Variants in PACS2 observed in about 807,000 individuals in gnomAD.
PACS2 encodes phosphofurin acidic cluster sorting protein 2, also known as PACS1-like protein.
Under a neutral mutation model 113.0 loss-of-function variants are expected in PACS2, and 36 were observed. The ratio of observed to expected loss-of-function variants is 0.32; its 90% confidence interval spans 0.24 to 0.42. The LOEUF (loss-of-function observed/expected upper bound fraction) is 0.42, where lower values mean the gene tolerates loss of function less well. PACS2 is among the 10% of genes least tolerant of loss of function. PACS2 has a pLI of 1.00. For missense variants in PACS2, 1,015 were observed against 1,239.5 expected (o/e 0.82, Z 2.72); for synonymous variants, 589 against 536.1 (o/e 1.10, Z -1.36).
At chr14:105,349,489 C>A (rs113127692) in intron 2 of PACS2, among the ~76,000 whole-genome samples, 7,156 of 152,318 alleles carry the variant, frequency 0.047, 583 homozygotes, top group African/African-American at 0.17. Context: ...TGGCCGGATT[C>A]TTGACACCTG....
intron 1 of PACS2, among the ~76,000 whole-genome samples, chr14:105,337,936 G>A (rs587769286): frequency 7.9e-5 from 12 of 152,352 alleles, no homozygotes; most frequent in South Asian, 2.1e-4. Context: ...GGGCAGCAGC[G>A]TCCCCTCCAG....
chr14:105,380,992 T>A lies in PACS2; in HGVS notation c.1161T>A (p.Pro387=). 5 of 1,612,466 alleles carry A rather than the reference T, an allele frequency of 3.1e-6. No homozygotes were observed. Among genetic ancestry groups the A allele is most frequent in the Non-Finnish European group, 4.2e-6 (5 of 1,179,704 alleles). The change falls in exon 12 of 25, where the codon CCT becomes CCA. Residue 387 remains proline (P), a synonymous_variant. Transcript: ENST00000447393. ...VPGPREHPGQ[P]EDSPEAEAST... ...GCCCGAGGGAGCACCCTGGACAGCC[T>A]GAGGACAGCCCCGAGGCTGAGGCCT...
rs868923151 is a variant in PACS2, at chr14:105,373,871, G to C, written c.802-2897G>C. Among the ~76,000 whole-genome samples, 28 of 152,060 alleles carry C rather than the reference G, an allele frequency of 1.8e-4. 1 individual carries two copies. Among genetic ancestry groups the C allele is most frequent in the African/African-American group, 6.3e-4 (26 of 41,480 alleles). ...GGATCAGCTGGGTGCGGTGGCTCAC[G>C]CCTGTAATCCCAGCACTTTGGGATT... is the stretch of plus-strand genomic sequence containing the variant. On this transcript the variant is annotated intron_variant, in intron 8 of 24. Coordinates refer to ENST00000447393, the MANE Select transcript of PACS2 (RefSeq NM_001100913.3).
chr14:105,370,167 T>TTG, intron 8 of PACS2: 2 of 391,490 alleles, frequency 5.1e-6, no homozygotes, highest in Non-Finnish European at 4.6e-6. Context: ...AACCATTAGT[T>TTG]TGTGTGTTTT....
intron 1 of PACS2, among the ~76,000 whole-genome samples, chr14:105,319,923 T>G (rs587629331): frequency 2.0e-5 from 3 of 152,362 alleles, no homozygotes; most frequent in South Asian, 4.1e-4. Flanking sequence ...TTAAGAGGAT[T>G]ATATAATTTT....
In PACS2 at chr14:105,323,905, C is replaced by T. The variant is rs587706289; in HGVS notation, c.119+8868C>T. On this transcript the variant is annotated intron_variant, in intron 1 of 24. Coordinates refer to ENST00000447393, the MANE Select transcript of PACS2 (RefSeq NM_001100913.3). The surrounding 1 kb of genome is among the most constrained non-coding windows in gnomAD (Gnocchi z 4.1). ...GGATTCGGAGGACCTGGCCCATCGC[C>T]GTGGCCTGCACGGTGCGTGCACACC... 1.1e-3 allele frequency among the ~76,000 whole-genome samples: 165 copies of T among 152,322 alleles called. No individual in the cohort carries two copies. The highest frequency in any genetic ancestry group is 5.2e-3 in the South Asian group (25 of 4,828).
upstream of PACS2, among the ~76,000 whole-genome samples, chr14:105,311,813 C>G (rs960520885): frequency 2.0e-5 from 3 of 152,224 alleles, no homozygotes; most frequent in African/African-American, 7.2e-5. Flanking sequence ...GAGGAGGGCC[C>G]TGCTGTACCT....
intron 3 of PACS2, among the ~76,000 whole-genome samples, chr14:105,353,749 A>G (rs1169596263): frequency 6.6e-6 from 1 of 151,640 alleles, no homozygotes; most frequent in African/African-American, 2.4e-5. Flanking sequence ...ATGTGCCACC[A>G]CGCCCGGCTA....
Position 105,304,876 on chromosome 14 carries a change from C to T in PACS2, c.-83+3897C>T, listed in dbSNP as rs587745875. 1.3e-4 allele frequency among the ~76,000 whole-genome samples: 20 copies of T among 152,316 alleles called. No homozygotes were observed. In the East Asian group the frequency reaches 2.9e-3, roughly 22 times the overall value. ...CTTATTCGCAATCACAAGAACAGCA[C>T]GGGAAAGACCTGCCCCCATGATTCA... On this transcript the variant is annotated intron_variant, in intron 1 of 23. Coordinates refer to the PACS2 transcript ENST00000430725.
chr14:105,383,259 A>G (rs782622573), intron 15 of PACS2, 100 bp from the exon 16 acceptor site: 2 of 1,379,066 alleles, frequency 1.5e-6, no homozygotes, highest in Non-Finnish European at 2.0e-6. Context: ...GAGCGGCCAC[A>G]GGCACGGAGC....
intron 8 of PACS2, chr14:105,370,215 T>C (rs587680738): frequency 1.5e-3 from 347 of 235,270 alleles, no homozygotes; most frequent in Non-Finnish European, 2.3e-3. Flanking sequence ...AGAGCAGTTT[T>C]AGGTTTACAG....
rs2059251625 is a variant in PACS2, at chr14:105,330,169, G to T, written c.119+15132G>T. ...AGCCTCCGAGAAGCCTGGGGTCCGT[G>T]TGTGGGACGGAACGGGGACAGGGAG... On this transcript the variant is annotated intron_variant, in intron 1 of 24. Transcript: ENST00000447393. The surrounding 1 kb of genome is among the most constrained non-coding windows in gnomAD (Gnocchi z 6.9). Among the ~76,000 whole-genome samples, 1 of 144,970 alleles carries T rather than the reference G, an allele frequency of 6.9e-6. No homozygotes were observed. Among genetic ancestry groups the T allele is most frequent in the Non-Finnish European group, 1.5e-5 (1 of 65,952 alleles).
chr14:105,375,143 G>C (rs2061305120), intron 8 of PACS2, among the ~76,000 whole-genome samples: 1 of 151,996 alleles, frequency 6.6e-6, no homozygotes, highest in South Asian at 2.1e-4. Flanking sequence ...AACAAAGCAA[G>C]ACCCTTTCTC....
At chr14:105,303,449 T>A (rs2058093932) in intron 1 of PACS2, among the ~76,000 whole-genome samples, 1 of 152,122 alleles carries the variant, frequency 6.6e-6, no homozygotes, top group African/African-American at 2.4e-5. Flanking sequence ...TTCACTGTGT[T>A]AGCCAGGATG....
At chr14:105,353,320 C>T (rs1316948139) in intron 3 of PACS2, among the ~76,000 whole-genome samples, 4 of 139,264 alleles carry the variant, frequency 2.9e-5, no homozygotes, top group East Asian at 2.2e-4. Flanking sequence ...TGGGCCCCCT[C>T]GTCACTGTCC....
chr14:105,312,596 G>C (rs895514006), upstream of PACS2, among the ~76,000 whole-genome samples: 1 of 152,200 alleles, frequency 6.6e-6, no homozygotes, highest in African/African-American at 2.4e-5. Context: ...GCATGGGGAG[G>C]GATGCCTCCC....
rs1463057223 is a variant in PACS2 at position 105,329,358 on chromosome 14, A to G, written c.119+14321A>G. On this transcript the variant is annotated intron_variant, in intron 1 of 24. Transcript: ENST00000447393. This position sits in a 1 kb window ranked among gnomAD's most constrained non-coding sequence, Gnocchi z 6.4. ...GCACTTCAAGATTTGCTCCCTGGCA[A>G]CTGTTGCCTTTCCCAGAAGAGAAGT... Among the ~76,000 whole-genome samples, 3 of 152,112 alleles carry G rather than the reference A, an allele frequency of 2.0e-5. No individual in the cohort carries two copies. Among genetic ancestry groups the G allele is most frequent in the Admixed American group, 6.5e-5 (1 of 15,284 alleles).
intron 1 of PACS2, among the ~76,000 whole-genome samples, chr14:105,320,581 G>A (rs1003440692): frequency 3.3e-5 from 5 of 152,120 alleles, no homozygotes; most frequent in African/African-American, 1.2e-4. Flanking sequence ...GGCCTCAAGT[G>A]ATCCTCTCAC....
At chr14:105,310,533 C>CAAAA (rs764203821), upstream of PACS2, among the ~76,000 whole-genome samples, 22 of 79,502 alleles carry the variant, frequency 2.8e-4, no homozygotes, top group Admixed American at 7.6e-4. Context: ...GACTCTGTCT[C>CAAAA]AAAAAAAAAA....
Sources: gnomAD v4.1 joint callset for allele counts (sites outside exome capture counted in the v4.1 genomes callset) on GRCh38, gnomAD v4.1.1 for gene constraint, Gnocchi (gnomAD v3.1) non-coding constraint, MANE v1.5 for transcripts, NCBI Gene and HGNC (gene_info 2026-07-23, HGNC 2026-07-21) for gene names.